Variants in TMEM116 observed in about 807,000 individuals in gnomAD.
TMEM116 encodes transmembrane protein 116.
Under a neutral mutation model 44.3 loss-of-function variants are expected in TMEM116, and 38 were observed. That is an observed-to-expected ratio of 0.86 (90% CI 0.66 to 1.12). TMEM116 has a LOEUF of 1.12. Ranked by LOEUF, TMEM116 falls within the 50% of genes most tolerant of loss-of-function variation. The probability of loss-of-function intolerance (pLI) is 0.00; values close to 1 mark genes in which losing one functional copy is unlikely to be tolerated. For synonymous variants in TMEM116, 132 were observed against 144.8 expected (o/e 0.91, Z 0.64); for missense variants, 354 against 401.7 (o/e 0.88, Z 1.01).
chr12:111,936,414 T>C (rs1416562629), intron 8 of TMEM116: 12 of 283,184 alleles, frequency 4.2e-5, no homozygotes, highest in Non-Finnish European at 7.9e-5. Context: ...ACATATGAGT[T>C]TTCTGGCCAT....
chr12:111,934,155 T>A, intron 8 of TMEM116, 125 bp from the exon 9 acceptor site: 1 of 1,135,458 alleles, frequency 8.8e-7, no homozygotes, highest in Non-Finnish European at 1.2e-6. Flanking sequence ...CCCATTCTCT[T>A]GTCTTTACTT....
intron 2 of TMEM116, among the ~76,000 whole-genome samples, chr12:112,004,668 T>TA (rs1593679510): frequency 6.6e-6 from 1 of 151,676 alleles, no homozygotes. Context: ...TTTTTTTTTT[T>TA]AATTTTTTTT....
chr12:112,002,767 G>A (rs2077334014), intron 3 of TMEM116, among the ~76,000 whole-genome samples: 2 of 152,092 alleles, frequency 1.3e-5, no homozygotes, highest in African/African-American at 4.8e-5. Flanking sequence ...AATAGTAAGT[G>A]TTCAACATAC....
chr12:112,000,660 A>G (rs1565966234), intron 3 of TMEM116: 1 of 459,176 alleles, frequency 2.2e-6, no homozygotes, highest in Non-Finnish European at 4.4e-6. Context: ...CTCCCATCTC[A>G]GCCTTTATTC....
chr12:111,938,430 A>C (rs112785795), intron 5 of TMEM116, among the ~76,000 whole-genome samples: 3 of 151,928 alleles, frequency 2.0e-5, no homozygotes, highest in African/African-American at 7.2e-5. Flanking sequence ...TAAAAAGTAC[A>C]ACAACAACAA....
intron 2 of TMEM116, among the ~76,000 whole-genome samples, 195 bp from the exon 3 acceptor site, chr12:112,004,058 G>A (rs771763186): frequency 6.6e-5 from 10 of 151,980 alleles, no homozygotes; most frequent in Non-Finnish European, 1.3e-4. Context: ...ATAGCTCAAC[G>A]TAACCTTGAA....
chr12:111,950,650 C>A (rs918881214), intron 4 of TMEM116, among the ~76,000 whole-genome samples: 1 of 152,000 alleles, frequency 6.6e-6, no homozygotes, highest in Non-Finnish European at 1.5e-5. Context: ...TGAAACTGTA[C>A]CCTTTCCTTA....
chr12:111,935,321 T>A (rs948625236), intron 8 of TMEM116: 1 of 151,948 alleles, frequency 6.6e-6, no homozygotes, highest in Non-Finnish European at 1.5e-5. Context: ...GGTCTCAAAC[T>A]CCTGAGCTCA....
intron 3 of TMEM116, among the ~76,000 whole-genome samples, chr12:112,002,907 AGTT>A (rs2077349629): frequency 6.6e-6 from 1 of 152,230 alleles, no homozygotes; most frequent in Non-Finnish European, 1.5e-5. Flanking sequence ...GTTAAAGAAT[AGTT>A]GTTATATTTC....
chr12:111,981,759 T>C (rs1013971571), intron 4 of TMEM116, among the ~76,000 whole-genome samples: 9 of 152,290 alleles, frequency 5.9e-5, no homozygotes, highest in African/African-American at 1.7e-4. Context: ...GTATTCATAA[T>C]AGCCAAGATA....
intron 4 of TMEM116, among the ~76,000 whole-genome samples, chr12:111,974,266 A>G (rs2075529549): frequency 6.6e-6 from 1 of 152,194 alleles, no homozygotes; most frequent in African/African-American, 2.4e-5. Flanking sequence ...TTCTAAAATC[A>G]GGAAAAAGAC....
chr12:112,010,161 CTCCTTTTCCACTTGTTCTCTA>C (rs759426087), intron 1 of TMEM116, among the ~76,000 whole-genome samples: 73 of 152,322 alleles, frequency 4.8e-4, no homozygotes, highest in South Asian at 1.2e-3. Context: ...CCCGTATCTG[CTCCTTTTCCACTTGTTCTCTA>C]TCTAAAATGT....
chr12:111,981,029 G>A (rs547375951), intron 4 of TMEM116, among the ~76,000 whole-genome samples: 2 of 150,398 alleles, frequency 1.3e-5, no homozygotes, highest in African/African-American at 2.5e-5. Flanking sequence ...AGCAGTCGTT[G>A]TGCCACTGCT....
chr12:111,972,618 C>A (rs1444700122), intron 4 of TMEM116, among the ~76,000 whole-genome samples: 1 of 152,162 alleles, frequency 6.6e-6, no homozygotes, highest in African/African-American at 2.4e-5. Flanking sequence ...GTGGCTCATG[C>A]CTATAATCCC....
At chr12:111,957,366 G>C (rs1185957859) in intron 4 of TMEM116, among the ~76,000 whole-genome samples, 1 of 150,782 alleles carries the variant, frequency 6.6e-6, no homozygotes, top group African/African-American at 2.4e-5. Flanking sequence ...CGCCCTGTCT[G>C]AGAAGTGAGG....
At chr12:111,951,042 G>C (rs2073697670) in intron 4 of TMEM116, among the ~76,000 whole-genome samples, 2 of 152,142 alleles carry the variant, frequency 1.3e-5, no homozygotes, top group South Asian at 4.1e-4. Context: ...CTTTTCAAAA[G>C]AAGACATACA....
intron 3 of TMEM116, among the ~76,000 whole-genome samples, chr12:112,003,274 T>C (rs1267944459): frequency 6.6e-5 from 10 of 152,118 alleles, no homozygotes; most frequent in African/African-American, 2.2e-4. Context: ...CCACATTTAA[T>C]AGTTAATCTC....
Position 111,973,690 on chromosome 12 carries a change from A to C in TMEM116, c.210+18068T>G, listed in dbSNP as rs570265527. On this transcript the variant is annotated intron_variant, in intron 4 of 10. Coordinates refer to ENST00000552374, the MANE Select transcript of TMEM116 (RefSeq NM_001193531.2). Reference sequence around the variant, plus strand: ...ATCAAGGCCAGAAGTGGTGGCTCCCACCTGTAATCCCAGCACTTTGGGAGG... The same window carrying C: ...ATCAAGGCCAGAAGTGGTGGCTCCCCCCTGTAATCCCAGCACTTTGGGAGG... Among the ~76,000 whole-genome samples, 249 of 152,068 alleles carry C rather than the reference A, an allele frequency of 1.6e-3. 1 individual carries two copies. Among genetic ancestry groups the C allele is most frequent in the African/African-American group, 5.7e-3 (238 of 41,480 alleles).
In TMEM116 at chr12:111,938,154, A is replaced by C; in HGVS notation, c.365+7T>G. On this transcript the variant is annotated splice_region_variant and intron_variant, in intron 6 of 10. Transcript: ENST00000552374. ...CACCTCGCTAAGAAGTAAAGAAAAA[A>C]TTTTACCTTGAGAAAACAAAGGCCA... 2 of 1,593,226 alleles carry C rather than the reference A, an allele frequency of 1.3e-6. No homozygotes were observed. Among genetic ancestry groups the C allele is most frequent in the Non-Finnish European group, 1.7e-6 (2 of 1,169,080 alleles).
Sources: gnomAD v4.1 joint callset for allele counts (sites outside exome capture counted in the v4.1 genomes callset) on GRCh38, gnomAD v4.1.1 for gene constraint, MANE v1.5 for transcripts, NCBI Gene and HGNC (gene_info 2026-07-23, HGNC 2026-07-21) for gene names.